The following HUNK variants were observed in gnomAD, a reference collection of about 807,000 sequenced individuals.
HUNK encodes the protein hormonally up-regulated neu tumor-associated kinase.
A neutral mutation model predicts 61.0 loss-of-function variants in HUNK; 21 were observed. The observed-to-expected ratio is 0.34, with a 90% CI of 0.24 to 0.50. The LOEUF (loss-of-function observed/expected upper bound fraction) is 0.50. Among genes scored for constraint, HUNK ranks in the 20% least tolerant of loss-of-function variants. HUNK has a pLI of 0.98. For synonymous variants in HUNK, 371 were observed against 386.1 expected (o/e 0.96, Z 0.46); for missense variants, 772 against 945.7 (o/e 0.82, Z 2.41).
At chr21:31,932,610 CG>C (rs145991553) in intron 2 of HUNK, among the ~76,000 whole-genome samples, 3,317 of 152,184 alleles carry the variant, frequency 0.022, 109 homozygotes, top group African/African-American at 0.076. Context: ...AGGTCCTTTC[CG>C]GATCTCTGTA....
At chr21:31,963,644 A>C (rs777293540) in intron 5 of HUNK, among the ~76,000 whole-genome samples, 11 of 148,060 alleles carry the variant, frequency 7.4e-5, no homozygotes, top group African/African-American at 2.7e-4. Context: ...CTGCAGGCGC[A>C]TGCCACCATG....
chr21:31,985,835 C>T (rs543413590), intron 8 of HUNK, among the ~76,000 whole-genome samples: 1 of 152,218 alleles, frequency 6.6e-6, no homozygotes, highest in South Asian at 2.1e-4. Flanking sequence ...GAGCATCTGC[C>T]TCTCCGTCAG....
chr21:31,907,541 G>T (rs1232442074), intron 1 of HUNK, among the ~76,000 whole-genome samples: 1 of 152,186 alleles, frequency 6.6e-6, no homozygotes, highest in Non-Finnish European at 1.5e-5. Context: ...TGTTCCCTCT[G>T]AACCAAGAGT....
intron 3 of HUNK, among the ~76,000 whole-genome samples, chr21:31,945,052 G>A (rs930563550): frequency 7.7e-6 from 1 of 129,898 alleles, no homozygotes; most frequent in African/African-American, 2.5e-5. Context: ...GAGAAAGTGC[G>A]AGAGTTTTGT....
chr21:31,880,643 T>G (rs2052299764), intron 1 of HUNK, among the ~76,000 whole-genome samples: 2 of 152,202 alleles, frequency 1.3e-5, no homozygotes, highest in African/African-American at 4.8e-5. Context: ...CAGTGTTGCC[T>G]CATTTTAACT....
intron 9 of HUNK, 152 bp from the exon 10 acceptor site, chr21:31,995,616 C>G: frequency 1.5e-6 from 1 of 684,252 alleles, no homozygotes; most frequent in Non-Finnish European, 2.5e-6. Flanking sequence ...ATTGGCTGGG[C>G]CACAGCTCCT....
chr21:31,882,080 A>G (rs1056295397), intron 1 of HUNK, among the ~76,000 whole-genome samples: 1 of 151,594 alleles, frequency 6.6e-6, no homozygotes, highest in African/African-American at 2.4e-5. Flanking sequence ...CTCCCCCATC[A>G]CTCGTGAGTG....
At chr21:31,964,835 C>G (rs1443460125) in intron 5 of HUNK, among the ~76,000 whole-genome samples, 1 of 152,166 alleles carries the variant, frequency 6.6e-6, no homozygotes, top group African/African-American at 2.4e-5. Flanking sequence ...GAAAATAGAA[C>G]AAAAATGCAC....
intron 7 of HUNK, among the ~76,000 whole-genome samples, chr21:31,980,376 CTTCTTTT>C (rs2053087908): frequency 8.4e-6 from 1 of 119,326 alleles, no homozygotes; most frequent in Non-Finnish European, 1.7e-5. Flanking sequence ...GGCCTGTCTT[CTTCTTTT>C]TTTTTTTTTT....
rs1601398459 is a variant in HUNK, at chr21:31,958,833, C to T, written c.747-10C>T. The T allele has an allele frequency of 6.3e-7, 1 of 1,582,122 alleles. No individual in the cohort carries two copies. The highest frequency in any genetic ancestry group is 2.3e-5 in the East Asian group (1 of 44,082). On this transcript the variant is annotated splice_polypyrimidine_tract_variant and intron_variant, in intron 4 of 10. Coordinates refer to ENST00000270112, the MANE Select transcript of HUNK (RefSeq NM_014586.2). ...TGACTCCGCTTTCATGTGTATGTCT[C>T]TCTTTTCAGAGGTGTGAACATGTAT...
intron 1 of HUNK, among the ~76,000 whole-genome samples, chr21:31,887,562 C>G (rs1452535346): frequency 1.3e-5 from 2 of 149,688 alleles, no homozygotes; most frequent in Non-Finnish European, 2.9e-5. Context: ...TATGTCCAAC[C>G]CCAAGGCTTT....
At chr21:31,921,609 C>T (rs1022872615) in intron 1 of HUNK, among the ~76,000 whole-genome samples, 1 of 152,020 alleles carries the variant, frequency 6.6e-6, no homozygotes, top group African/African-American at 2.4e-5. Context: ...AGTGAGACCT[C>T]AAGAGCTTCT....
At chr21:31,929,080 T>TAAA (rs1462101806) in intron 2 of HUNK, among the ~76,000 whole-genome samples, 3 of 152,136 alleles carry the variant, frequency 2.0e-5, no homozygotes, top group South Asian at 2.1e-4. Context: ...GGGGATGCTT[T>TAAA]AAAAATGCAG....
At chr21:31,945,678 T>C (rs951876291) in intron 3 of HUNK, among the ~76,000 whole-genome samples, 12 of 152,168 alleles carry the variant, frequency 7.9e-5, no homozygotes, top group African/African-American at 2.7e-4. Context: ...CCTCTGCTTG[T>C]TCTTTCTTCC....
intron 1 of HUNK, among the ~76,000 whole-genome samples, chr21:31,922,024 C>G (rs1568925839): frequency 6.6e-6 from 1 of 151,328 alleles, no homozygotes; most frequent in Admixed American, 6.6e-5. Flanking sequence ...AATTTTCTTT[C>G]TTTTTTTTTG....
At chr21:31,904,061 C>G (rs1422654145) in intron 1 of HUNK, among the ~76,000 whole-genome samples, 1 of 151,748 alleles carries the variant, frequency 6.6e-6, no homozygotes, top group Non-Finnish European at 1.5e-5. Context: ...GTTTAAGTAC[C>G]TCTTCATGGA....
chr21:31,943,156 A>C (rs2052780344), intron 3 of HUNK, among the ~76,000 whole-genome samples: 1 of 152,108 alleles, frequency 6.6e-6, no homozygotes, highest in Admixed American at 6.5e-5. Context: ...TCTTTGAAAG[A>C]ATTTGGTTTA....
intron 8 of HUNK, among the ~76,000 whole-genome samples, chr21:31,987,564 C>T (rs2053142495): frequency 6.6e-6 from 1 of 152,192 alleles, no homozygotes; most frequent in Admixed American, 6.5e-5. Context: ...GTGTTATTTC[C>T]TCTGTCCTGA....
At chr21:31,938,601 A>G (rs1182638942) in intron 2 of HUNK, among the ~76,000 whole-genome samples, 1 of 152,184 alleles carries the variant, frequency 6.6e-6, no homozygotes, top group Non-Finnish European at 1.5e-5. Flanking sequence ...TTTTAACATG[A>G]TTACGCCATT....
Sources: gnomAD v4.1 joint callset for allele counts (sites outside exome capture counted in the v4.1 genomes callset) on GRCh38, gnomAD v4.1.1 for gene constraint, MANE v1.5 for transcripts, NCBI Gene and HGNC (gene_info 2026-07-23, HGNC 2026-07-21) for gene names.